The following C12orf56 variants were observed in gnomAD, a reference collection of about 807,000 sequenced individuals.
C12orf56 encodes uncharacterized protein C12orf56.
In C12orf56, 71 loss-of-function variants were observed where a neutral mutation model predicts 69.9. The observed-to-expected ratio is 1.02, with a 90% CI of 0.84 to 1.24. C12orf56 has a LOEUF of 1.24. Among genes scored for constraint, C12orf56 ranks in the 50% most tolerant of loss-of-function variants. The pLI, the probability that C12orf56 is intolerant of heterozygous loss-of-function variation, is 0.00. For missense variants in C12orf56, 732 were observed against 738.5 expected (o/e 0.99, Z 0.10); for synonymous variants, 276 against 274.1 (o/e 1.01, Z -0.07).
chr12:64,272,290 AG>A, intron 11 of C12orf56, among the ~76,000 whole-genome samples: 1 of 152,276 alleles, frequency 6.6e-6, no homozygotes, highest in African/African-American at 2.4e-5. Context: ...GGATCTCCTG[AG>A]GTCAGGAGTT....
At chr12:64,303,531 G>A (rs889654570) in intron 6 of C12orf56, 104 bp downstream of exon 6, 2 of 938,582 alleles carry the variant, frequency 2.1e-6, no homozygotes, top group South Asian at 1.9e-5. Flanking sequence ...TAAAAATACA[G>A]CATCAGAATA....
At chr12:64,350,323 T>C (rs919561523) in intron 2 of C12orf56, among the ~76,000 whole-genome samples, 5 of 152,046 alleles carry the variant, frequency 3.3e-5, no homozygotes, top group African/African-American at 7.2e-5. Flanking sequence ...CAATAACCTA[T>C]GGAAAAAATA....
Position 64,354,461 on chromosome 12 carries a change from T to C in C12orf56, c.253-1405A>G, listed in dbSNP as rs528548845. On this transcript the variant is annotated intron_variant, in intron 1 of 12. Coordinates refer to ENST00000543942, the MANE Select transcript of C12orf56 (RefSeq NM_001170633.2). Reference sequence around the variant, plus strand: ...CAACATAGCAAGATCCCATCTCTCTTTTTTTTTTATTTTGAGATGGAGTCT... The same window carrying C: ...CAACATAGCAAGATCCCATCTCTCTCTTTTTTTTATTTTGAGATGGAGTCT... Among the ~76,000 whole-genome samples, 153 of 149,906 alleles carry C rather than the reference T, an allele frequency of 1.0e-3. 1 individual carries two copies. The highest frequency in any genetic ancestry group is 3.6e-3 in the African/African-American group (148 of 40,834).
chr12:64,321,672 TA>T (rs1332405500), intron 3 of C12orf56, among the ~76,000 whole-genome samples: 2 of 152,100 alleles, frequency 1.3e-5, no homozygotes, highest in African/African-American at 4.8e-5. Flanking sequence ...TTAACTCATT[TA>T]TTTTTTTAAA....
At chr12:64,307,368 CTTTTTTTTTT>C in intron 5 of C12orf56, among the ~76,000 whole-genome samples, 2 of 115,250 alleles carry the variant, frequency 1.7e-5, no homozygotes, top group South Asian at 5.8e-4. Context: ...ATAGTCAGTC[CTTTTTTTTTT>C]TTTTTTTTTG....
intron 1 of C12orf56, among the ~76,000 whole-genome samples, chr12:64,379,927 CAAAA>C (rs200293677): frequency 9.4e-4 from 107 of 114,104 alleles, no homozygotes; most frequent in African/African-American, 4.3e-3. Flanking sequence ...ACTAAAAATA[CAAAA>C]AAAAAAAAAA....
chr12:64,277,243 A>G (rs906370312), intron 9 of C12orf56, among the ~76,000 whole-genome samples: 1 of 152,070 alleles, frequency 6.6e-6, no homozygotes, highest in Non-Finnish European at 1.5e-5. Context: ...CTGAGAATTT[A>G]TACTGTTCAT....
intron 1 of C12orf56, among the ~76,000 whole-genome samples, chr12:64,358,544 A>G (rs1042662041): frequency 6.7e-6 from 1 of 150,140 alleles, no homozygotes; most frequent in Admixed American, 6.7e-5. Context: ...CTGTGATTGC[A>G]GCACTTTGGG....
rs1436666894 is a variant in C12orf56 at position 64,277,789 on chromosome 12, T to A, written c.1325A>T (p.Asn442Ile). The A allele has an allele frequency of 6.3e-7, 1 of 1,578,100 alleles. No homozygotes were observed. The highest frequency in any genetic ancestry group is 1.2e-5 in the South Asian group (1 of 84,402). ...TLAAKKGALFNLLVILISEPQ... is the reference protein window; with the variant it reads ...TLAAKKGALFILLVILISEPQ... ...CTCACTAATTAAAATTACCAAGAGA[T>A]TAAATAGTGCTCCCCTGGAAAAAAA... The change falls in exon 9 of 13, where the codon AAT becomes ATT. Residue 442 changes from asparagine (N) to isoleucine (I), a missense_variant. Asn to Ile is a moderately radical substitution (Grantham distance 149, BLOSUM62 -3). Transcript: ENST00000543942.
intron 9 of C12orf56, among the ~76,000 whole-genome samples, chr12:64,277,390 A>G (rs1030876209): frequency 1.1e-4 from 17 of 152,136 alleles, no homozygotes; most frequent in Non-Finnish European, 2.2e-4. Context: ...AGATTTATCA[A>G]ATTTATAAAG....
In C12orf56 at chr12:64,338,345, C is replaced by G. The variant is rs1284845405; in HGVS notation, c.416-7313G>C. 6.6e-6 allele frequency: 4 copies of G among 605,326 alleles called. No homozygotes were observed. The East Asian group carries it at 1.6e-4, about 24-fold the overall frequency. The allele number at this position is 605,326 out of a possible 1,614,324, so 37.5% of individuals were successfully genotyped here. ...TATGTCCTCTGGCAGGTAGACATAG[C>G]TGGTGGAGTTGAGATATATAATGGG... On this transcript the variant is annotated intron_variant, in intron 2 of 12. Coordinates refer to ENST00000543942, the MANE Select transcript of C12orf56 (RefSeq NM_001170633.2).
chr12:64,272,573 A>T (rs928246007), intron 11 of C12orf56, among the ~76,000 whole-genome samples: 2 of 71,574 alleles, frequency 2.8e-5, no homozygotes, highest in African/African-American at 7.2e-5. Flanking sequence ...AAGTAAAAAA[A>T]TAAAAATAAA....
At chr12:64,371,721 T>C (rs2039572845) in intron 1 of C12orf56, among the ~76,000 whole-genome samples, 2 of 151,730 alleles carry the variant, frequency 1.3e-5, no homozygotes, top group South Asian at 4.2e-4. Context: ...TCCCAACTAC[T>C]TGGGAGGCCG....
At chr12:64,383,144 C>T (rs2039742897) in intron 1 of C12orf56, among the ~76,000 whole-genome samples, 1 of 151,844 alleles carries the variant, frequency 6.6e-6, no homozygotes, top group Non-Finnish European at 1.5e-5. Context: ...TAGCAAAACT[C>T]TGTCTCTACA....
chr12:64,323,535 G>A (rs2038798803), intron 3 of C12orf56, among the ~76,000 whole-genome samples: 1 of 146,006 alleles, frequency 6.8e-6, no homozygotes, highest in Non-Finnish European at 1.5e-5. Context: ...AACCTCCACA[G>A]TAACCTAAAA....
At position 64,284,726 on chromosome 12, in the gene C12orf56, T is replaced by G. The variant is rs371865646; in HGVS notation, c.1248A>C (p.Leu416=). 32 of 1,609,928 alleles carry G rather than the reference T, an allele frequency of 2.0e-5. No individual in the cohort carries two copies. Among genetic ancestry groups the G allele is most frequent in the Admixed American group, 6.7e-5 (4 of 59,430 alleles). Residue 416 remains leucine (L), a synonymous_variant, in exon 8 of 13, where the codon CTA becomes CTC. Transcript: ENST00000543942. ...LVACIEIIQT[L]VLMFRETETE... ...TTTCTGTTTCTCTGAACATCAATAC[T>G]AGGGTCTGTATAATTTCAATGCATG... is the stretch of plus-strand genomic sequence containing the variant.
chr12:64,368,659 T>C (rs10878166), intron 1 of C12orf56, among the ~76,000 whole-genome samples: 27,153 of 152,054 alleles, frequency 0.18, 2,997 homozygotes, highest in East Asian at 0.36. Context: ...TCTTATGGGC[T>C]AATTCATTCT....
At position 64,331,031 on chromosome 12, in the gene C12orf56, G is replaced by T; in HGVS notation, c.417C>A (p.Val139=). Residue 139 remains valine, a splice_region_variant and synonymous_variant, in exon 3 of 13, where the codon GTC becomes GTA. Transcript: ENST00000543942. Reference sequence around the variant, plus strand: ...AGGCAAGGCCGTTCTTTTCTTCCTTGACTTAAAAAAAAAATAGTTATTTGG... The same window carrying T: ...AGGCAAGGCCGTTCTTTTCTTCCTTTACTTAAAAAAAAAATAGTTATTTGG... ...FHHTKANNKK[V]KEEKNGLAFW... is the part of the protein sequence containing the mutation. 1 of 1,506,962 alleles carries T rather than the reference G, an allele frequency of 6.6e-7. No homozygotes were observed. The highest frequency in any genetic ancestry group is 1.2e-5 in the South Asian group (1 of 80,996). 93.3% of individuals were successfully genotyped at this position (1,506,962 alleles called of 1,614,324 possible). A position where few individuals can be genotyped will look rare whatever the true frequency, so the allele number is the denominator to read the frequency against.
chr12:64,293,212 G>T (rs1009128687), intron 6 of C12orf56: 1 of 152,130 alleles, frequency 6.6e-6, no homozygotes, highest in East Asian at 1.9e-4. Flanking sequence ...GCTTCTGCTC[G>T]CGCACGGTGC....
Sources: allele counts gnomAD v4.1 joint callset (sites outside exome capture counted in the v4.1 genomes callset), GRCh38; gene constraint gnomAD v4.1.1; transcripts MANE v1.5; gene names NCBI Gene and HGNC (gene_info 2026-07-23, HGNC 2026-07-21).